ZNHIT6: variants seen among roughly 807,000 people sequenced by gnomAD.
ZNHIT6 encodes box C/D snoRNA protein 1.
In ZNHIT6, 45 loss-of-function variants were observed where a neutral mutation model predicts 57.2. That is an observed-to-expected ratio of 0.79 (90% CI 0.62 to 1.01). The LOEUF (loss-of-function observed/expected upper bound fraction) is 1.01. Ranked by LOEUF, ZNHIT6 falls within the 50% of genes least tolerant of loss-of-function variation. ZNHIT6 has a pLI of 0.00. For synonymous variants in ZNHIT6, 188 were observed against 190.0 expected, an observed-to-expected ratio of 0.99 and a Z score of 0.09; for missense variants, 528 against 567.3, an observed-to-expected ratio of 0.93 and a Z score of 0.70.
At chr1:85,664,617 G>A (rs1473442186) in intron 8 of ZNHIT6, among the ~76,000 whole-genome samples, 2 of 152,096 alleles carry the variant, frequency 1.3e-5, no homozygotes, top group Admixed American at 6.6e-5. Flanking sequence ...CTAGGAACTA[G>A]GTGAAGGTGG....
At position 85,651,530 on chromosome 1, in the gene ZNHIT6, CTAG is replaced by C. The variant is rs1437244538; in HGVS notation, c.*2525_*2527del. The C allele has an allele frequency of 1.3e-5, 2 of 152,146 alleles. No individual in the cohort carries two copies. Among genetic ancestry groups the C allele is most frequent in the African/African-American group, 4.8e-5 (2 of 41,412 alleles). 9.4% of individuals were successfully genotyped at this position (152,146 alleles called of 1,614,324 possible). A position where few individuals can be genotyped will look rare whatever the true frequency, so the allele number is the denominator to read the frequency against. Reference sequence around the variant, plus strand: ...GGATTACAGCTGTGAGCCACTGTGCCTAGCCAATTCATATTTATAAAAGGAATA... The same window carrying C: ...GGATTACAGCTGTGAGCCACTGTGCCCCAATTCATATTTATAAAAGGAATA... On this transcript the variant is annotated 3_prime_UTR_variant, in exon 10 of 10. Transcript: ENST00000370574.
intron 1 of ZNHIT6, among the ~76,000 whole-genome samples, chr1:85,707,379 C>CGAAA (rs1401921964): frequency 1.3e-5 from 2 of 152,294 alleles, no homozygotes; most frequent in East Asian, 3.9e-4. Context: ...CCCAGAATTT[C>CGAAA]CACTTTCCTA....
intron 4 of ZNHIT6, among the ~76,000 whole-genome samples, chr1:85,703,955 T>C (rs551215646): frequency 1.3e-5 from 2 of 152,188 alleles, no homozygotes; most frequent in South Asian, 4.2e-4. Flanking sequence ...AATGAAAAGA[T>C]GAGCAAAAGA....
At chr1:85,705,842 T>C (rs1049694544) in intron 4 of ZNHIT6, among the ~76,000 whole-genome samples, 1 of 152,198 alleles carries the variant, frequency 6.6e-6, no homozygotes, top group African/African-American at 2.4e-5. Flanking sequence ...TTATTTTCTA[T>C]ATGAACTTAA....
intron 1 of ZNHIT6, among the ~76,000 whole-genome samples, chr1:85,707,235 G>A (rs1336552279): frequency 1.3e-5 from 2 of 152,052 alleles, no homozygotes; most frequent in East Asian, 3.9e-4. Flanking sequence ...GTGTATTTTT[G>A]CCTAGTTTTA....
chr1:85,680,765 G>A (rs1661849872), intron 6 of ZNHIT6, 71 bp downstream of exon 6: 1 of 1,184,416 alleles, frequency 8.4e-7, no homozygotes, highest in South Asian at 1.4e-5. Context: ...CTGACATTAA[G>A]TTAACAGTTT....
At chr1:85,700,468 C>T (rs1029917588) in intron 5 of ZNHIT6, among the ~76,000 whole-genome samples, 7 of 152,006 alleles carry the variant, frequency 4.6e-5, no homozygotes, top group East Asian at 3.9e-4. Context: ...TTCAGAGACC[C>T]GGGGAGTTTC....
intron 5 of ZNHIT6, among the ~76,000 whole-genome samples, chr1:85,692,215 A>G (rs1374188787): frequency 1.3e-5 from 2 of 152,008 alleles, no homozygotes; most frequent in African/African-American, 2.4e-5. Flanking sequence ...TTAGAGGCAT[A>G]TCACAAAGGA....
In ZNHIT6 at chr1:85,708,248, C is replaced by A. The variant is rs1662753609; in HGVS notation, c.37G>T (p.Gly13Ter). The change falls in exon 1 of 10, where the codon GGA (glycine) becomes TGA (stop). Residue 13 changes from glycine to a stop codon, truncating the protein, a stop_gained. Coordinates refer to ENST00000370574, the MANE Select transcript of ZNHIT6 (RefSeq NM_017953.4). LOFTEE classifies it high-confidence loss of function. ...FAAENEGKSG[G>*]GLHSVAEGVR... ...CCCTCAGCTACGCTGTGGAGACCTC[C>A]CCCAGACTTCCCTTCATTTTCAGCA... is the stretch of plus-strand genomic sequence containing the variant. 6.2e-7 allele frequency: 1 copy of A among 1,605,848 alleles called. No homozygotes were observed. Among genetic ancestry groups the A allele is most frequent in the Non-Finnish European group, 8.5e-7 (1 of 1,173,886 alleles).
intron 5 of ZNHIT6, among the ~76,000 whole-genome samples, chr1:85,694,422 A>G (rs1045786045): frequency 1.3e-5 from 2 of 152,048 alleles, no homozygotes; most frequent in Non-Finnish European, 2.9e-5. Flanking sequence ...ATATATAAGC[A>G]TTCACTGCAA....
At chr1:85,658,502 T>C (rs1412022948) in intron 8 of ZNHIT6, among the ~76,000 whole-genome samples, 6 of 151,224 alleles carry the variant, frequency 4.0e-5, no homozygotes, top group Admixed American at 2.0e-4. Flanking sequence ...AGTGCTGGGA[T>C]TACAGGCGTG....
At chr1:85,668,757 T>C (rs1231561546) in intron 8 of ZNHIT6, among the ~76,000 whole-genome samples, 2 of 152,310 alleles carry the variant, frequency 1.3e-5, no homozygotes, top group Admixed American at 1.3e-4. Context: ...GACTAATCTT[T>C]AAGGAGGTAA....
chr1:85,691,854 C>T (rs1662230259), intron 5 of ZNHIT6, among the ~76,000 whole-genome samples: 1 of 152,150 alleles, frequency 6.6e-6, no homozygotes, highest in Non-Finnish European at 1.5e-5. Context: ...CCACTAACTA[C>T]AGCCTGGGTG....
chr1:85,691,943 T>G (rs189049298), intron 5 of ZNHIT6, among the ~76,000 whole-genome samples: 1 of 151,256 alleles, frequency 6.6e-6, no homozygotes, highest in Admixed American at 6.6e-5. Context: ...CCAAAGCGGG[T>G]GGATTACCTG....
chr1:85,695,852 G>C (rs1014948500), intron 5 of ZNHIT6, among the ~76,000 whole-genome samples: 1 of 152,158 alleles, frequency 6.6e-6, no homozygotes, highest in Non-Finnish European at 1.5e-5. Flanking sequence ...CTGGCTAACA[G>C]GGTGAAACCC....
chr1:85,695,220 A>G (rs1662332483), intron 5 of ZNHIT6, among the ~76,000 whole-genome samples: 1 of 152,070 alleles, frequency 6.6e-6, no homozygotes, highest in South Asian at 2.1e-4. Flanking sequence ...GAAGACTGAG[A>G]TTGCACCACT....
At position 85,654,056 on chromosome 1, in the gene ZNHIT6, G is replaced by T. The variant is rs1455678259; in HGVS notation, c.*2C>A. ...TTCACTTTCTTCTTCCAGAAAAAAT[G>T]CTCAATTTTCATTGCCAACGTTCTT... On this transcript the variant is annotated 3_prime_UTR_variant, in exon 10 of 10. Coordinates refer to ENST00000370574, the MANE Select transcript of ZNHIT6 (RefSeq NM_017953.4). The T allele has an allele frequency of 2.5e-6, 4 of 1,611,532 alleles. No homozygotes were observed. Among genetic ancestry groups the T allele is most frequent in the Non-Finnish European group, 3.4e-6 (4 of 1,178,828 alleles).
intron 8 of ZNHIT6, among the ~76,000 whole-genome samples, chr1:85,674,713 T>G (rs965724171): frequency 6.6e-6 from 1 of 152,168 alleles, no homozygotes; most frequent in Non-Finnish European, 1.5e-5. Context: ...GTGCCATATT[T>G]TATCTAATTA....
At chr1:85,677,870 A>T (rs1661750078) in intron 7 of ZNHIT6, among the ~76,000 whole-genome samples, 1 of 152,214 alleles carries the variant, frequency 6.6e-6, no homozygotes, top group African/African-American at 2.4e-5. Context: ...AAATAAAGTC[A>T]ACCGGGTTTC....
Sources: allele counts gnomAD v4.1 joint callset (sites outside exome capture counted in the v4.1 genomes callset), GRCh38; gene constraint gnomAD v4.1.1; transcripts MANE v1.5; gene names NCBI Gene and HGNC (gene_info 2026-07-23, HGNC 2026-07-21).